The following WASHC5 variants were observed in gnomAD, a reference collection of about 807,000 sequenced individuals.
WASHC5 encodes WASH complex subunit 5.
A neutral mutation model predicts 150.4 loss-of-function variants in WASHC5; 101 were observed. The observed-to-expected ratio is 0.67, with a 90% confidence interval of 0.57 to 0.79. WASHC5 has a LOEUF of 0.79. Ranked by LOEUF, WASHC5 falls within the 30% of genes least tolerant of loss-of-function variation. The pLI, the probability that WASHC5 is intolerant of heterozygous loss-of-function variation, is 0.00. For synonymous variants in WASHC5, 467 were observed against 491.2 expected (o/e 0.95, Z 0.65); for missense variants, 1,195 against 1,396.3 (o/e 0.86, Z 2.30).
At chr8:125,085,533 A>G (rs545615345) in intron 1 of WASHC5, among the ~76,000 whole-genome samples, 3 of 152,344 alleles carry the variant, frequency 2.0e-5, no homozygotes, top group Admixed American at 6.5e-5. Flanking sequence ...AGGGAAAAAA[A>G]GATGTCACTA....
At chr8:125,075,317 T>A (rs1448657207) in intron 7 of WASHC5, among the ~76,000 whole-genome samples, 2 of 152,158 alleles carry the variant, frequency 1.3e-5, no homozygotes, top group African/African-American at 4.8e-5. Flanking sequence ...GGTATAAAGA[T>A]CTCTTTACAC....
At chr8:125,079,759 C>A (rs958463853) in intron 5 of WASHC5, among the ~76,000 whole-genome samples, 1 of 152,026 alleles carries the variant, frequency 6.6e-6, no homozygotes, top group African/African-American at 2.4e-5. Context: ...CTATATATAG[C>A]CTCACACCTA....
intron 1 of WASHC5, among the ~76,000 whole-genome samples, chr8:125,085,649 T>C (rs1817398484): frequency 6.6e-6 from 1 of 152,200 alleles, no homozygotes; most frequent in Non-Finnish European, 1.5e-5. Flanking sequence ...GCATCTTCTG[T>C]AACACAGAGA....
rs28489055 is a variant in WASHC5 at position 125,057,144 on chromosome 8, T to C, written c.1876-327A>G. On this transcript the variant is annotated intron_variant, in intron 15 of 28. Transcript: ENST00000318410. Reference sequence around the variant, plus strand: ...ACACCAGTAAATTTTGAATTCAGGCTGGTCTGGCTCCATGCTCCATCAGAA... The same window carrying C: ...ACACCAGTAAATTTTGAATTCAGGCCGGTCTGGCTCCATGCTCCATCAGAA... 0.11 allele frequency among the ~76,000 whole-genome samples: 16,952 copies of C among 152,186 alleles called. 2,218 individuals carry two copies. Among genetic ancestry groups the C allele is most frequent in the African/African-American group, 0.31 (12,996 of 41,442 alleles).
chr8:125,064,645 T>C (rs1433461671), intron 10 of WASHC5, among the ~76,000 whole-genome samples: 6 of 152,058 alleles, frequency 3.9e-5, no homozygotes. Context: ...AAAAACATAC[T>C]TATTTCTCAC....
chr8:125,043,839 C>T lies in WASHC5; in HGVS notation c.2836G>A (p.Glu946Lys), dbSNP rs534139966. ...CTACAACATACCTTCATTATAGCCT[C>T]GAGATACGCAGTCCAAATCTTCTGT... ...KTQKIWTAYL[E>K]AIMKVGQMQI... The change falls in exon 23 of 29, where the codon GAG (glutamate) becomes AAG (lysine). Residue 946 changes from glutamate (E) to lysine (K), a missense_variant. Physicochemically the swap from Glu to Lys is moderately conservative, Grantham distance 56. Coordinates refer to ENST00000318410, the MANE Select transcript of WASHC5 (RefSeq NM_014846.4). The T allele has an allele frequency of 6.2e-6, 10 of 1,609,626 alleles. No homozygotes were observed. The highest frequency in any genetic ancestry group is 2.2e-5 in the East Asian group (1 of 44,838).
rs528663710 is a variant in WASHC5, at chr8:125,086,464, A to G, written c.-124-2442T>C. On this transcript the variant is annotated intron_variant, in intron 1 of 28. Transcript: ENST00000318410. The stretch of plus-strand genomic sequence containing the variant: ...CCTCCTTTGTAAATTTCTGTGTCCA[A>G]ATTTCCTCTTCATACAAAGATACCA... Among the ~76,000 whole-genome samples the G allele has an allele frequency of 2.0e-4, 30 of 152,206 alleles. No individual in the cohort carries two copies. The South Asian group carries it at 3.5e-3, about 18-fold the overall frequency.
At chr8:125,048,842 A>G (rs1431778388) in intron 19 of WASHC5, among the ~76,000 whole-genome samples, 164 bp downstream of exon 19, 1 of 152,174 alleles carries the variant, frequency 6.6e-6, no homozygotes, top group Non-Finnish European at 1.5e-5. Flanking sequence ...CGGAAGTTAC[A>G]TGCCATGTCC....
At chr8:125,076,291 T>C (rs1046940984) in intron 7 of WASHC5, 57 bp downstream of exon 7, 3 of 1,537,386 alleles carry the variant, frequency 2.0e-6, no homozygotes, top group African/African-American at 1.4e-5. Flanking sequence ...GCCAAAAGAA[T>C]GGGAAGTTAG....
At chr8:125,065,150 G>T (rs1297800114) in intron 10 of WASHC5, among the ~76,000 whole-genome samples, 1 of 152,154 alleles carries the variant, frequency 6.6e-6, no homozygotes, top group African/African-American at 2.4e-5. Context: ...GAAATGTGCT[G>T]TCATATAAAG....
At position 125,025,739 on chromosome 8, in the gene WASHC5, T is replaced by TA. The variant is rs1304243063; in HGVS notation, c.3424-1067dup. Among the ~76,000 whole-genome samples the TA allele has an allele frequency of 6.6e-5, 10 of 152,172 alleles. No homozygotes were observed. In the South Asian group the frequency reaches 8.3e-4, roughly 13 times the overall value. On this transcript the variant is annotated intron_variant, in intron 28 of 28. Coordinates refer to ENST00000318410, the MANE Select transcript of WASHC5 (RefSeq NM_014846.4). ...CACGTGTAGCCCAGAGCTTAAAATT[T>TA]AAAAAAATATTTTTTTAATCTTAAT... is the stretch of plus-strand genomic sequence containing the variant.
At chr8:125,033,614 T>A (rs1467271265) in intron 26 of WASHC5, among the ~76,000 whole-genome samples, 1 of 151,544 alleles carries the variant, frequency 6.6e-6, no homozygotes. Context: ...AGTGGCACAA[T>A]CTCGGCTCAC....
At chr8:125,063,438 T>A in intron 11 of WASHC5, 84 bp downstream of exon 11, 1 of 1,376,822 alleles carries the variant, frequency 7.3e-7, no homozygotes, top group South Asian at 1.2e-5. Flanking sequence ...GAACATAAAG[T>A]CTTTTTAACC....
intron 23 of WASHC5, among the ~76,000 whole-genome samples, chr8:125,043,259 C>A (rs1049218647): frequency 3.9e-5 from 6 of 152,182 alleles, no homozygotes; most frequent in African/African-American, 1.4e-4. Context: ...GCTCCTACTG[C>A]CGAGTAAAGG....
chr8:125,057,582 C>T lies in WASHC5; in HGVS notation c.1849G>A (p.Gly617Arg). Residue 617 changes from glycine (G) to arginine (R), a missense_variant, in exon 15 of 29, where the codon GGA becomes AGA. This residue lies in a region of WASHC5 where 997 missense variants were observed against 1,168.1 expected (regional missense o/e 0.85). Coordinates refer to ENST00000318410, the MANE Select transcript of WASHC5 (RefSeq NM_014846.4). ...DLLSVSQYYS[G>R]ELVSYVRKVL... ...TTTCTCACATAGGATACCAACTCTC[C>T]AGAATAGTACTGTGACACGCTGAGC... The T allele has an allele frequency of 6.2e-7, 1 of 1,612,214 alleles. No homozygotes were observed. Among genetic ancestry groups the T allele is most frequent in the Non-Finnish European group, 8.5e-7 (1 of 1,178,420 alleles).
At chr8:125,065,619 C>CA in intron 10 of WASHC5, among the ~76,000 whole-genome samples, 1 of 130,742 alleles carries the variant, frequency 7.6e-6, no homozygotes. Context: ...TCTTTCATTC[C>CA]TTTTTTTTTT....
At chr8:125,062,868 A>G (rs1177479108) in intron 11 of WASHC5, among the ~76,000 whole-genome samples, 1 of 152,228 alleles carries the variant, frequency 6.6e-6, no homozygotes, top group East Asian at 1.9e-4. Context: ...TTTTGGGAGC[A>G]GTTAGAAATT....
At chr8:125,067,199 G>A (rs1816766083) in intron 10 of WASHC5, among the ~76,000 whole-genome samples, 1 of 152,102 alleles carries the variant, frequency 6.6e-6, no homozygotes, top group Admixed American at 6.6e-5. Flanking sequence ...ATTTTTAGTA[G>A]AGATGAGGTT....
chr8:125,073,412 A>G (rs1816960693), intron 8 of WASHC5, 88 bp from the exon 9 acceptor site: 9 of 1,097,628 alleles, frequency 8.2e-6, no homozygotes, highest in Non-Finnish European at 1.1e-5. Context: ...GACAAATAGT[A>G]ACATTTCTAT....
Sources: gnomAD v4.1 joint callset for allele counts (sites outside exome capture counted in the v4.1 genomes callset) on GRCh38, gnomAD v4.1.1 for gene constraint, gnomAD v4.1.1 regional missense constraint, MANE v1.5 for transcripts, NCBI Gene and HGNC (gene_info 2026-07-23, HGNC 2026-07-21) for gene names.